PPP1R12A: variants seen among roughly 807,000 people sequenced by gnomAD.
The protein encoded by PPP1R12A is myosin binding subunit.
In PPP1R12A, 19 loss-of-function variants were observed where a neutral mutation model predicts 139.6. That is an observed-to-expected ratio of 0.14 (90% CI 0.09 to 0.20). The LOEUF is 0.20. Ranked by LOEUF, PPP1R12A falls within the 10% of genes least tolerant of loss-of-function variation. The pLI, the probability that PPP1R12A is intolerant of heterozygous loss-of-function variation, is 1.00. For synonymous variants in PPP1R12A, 427 were observed against 420.6 expected (o/e 1.02, Z -0.19); for missense variants, 925 against 1,211.5 (o/e 0.76, Z 3.51).
intron 10 of PPP1R12A, among the ~76,000 whole-genome samples, chr12:79,809,205 T>G (rs1592647335): frequency 6.6e-6 from 1 of 152,214 alleles, no homozygotes; most frequent in East Asian, 1.9e-4. Context: ...AAGGAAACAT[T>G]TCTAAGTATA....
rs547069519 is a variant in PPP1R12A at position 79,812,671 on chromosome 12, A to G, written c.1240-2661T>C. Reference sequence around the variant, plus strand: ...CTAATTTTACCTGTCTATTCTAGGTAAAATTCTACCACACTATTCTAGAGT... The same window carrying G: ...CTAATTTTACCTGTCTATTCTAGGTGAAATTCTACCACACTATTCTAGAGT... On this transcript the variant is annotated intron_variant, in intron 9 of 24. Coordinates refer to ENST00000450142, the MANE Select transcript of PPP1R12A (RefSeq NM_002480.3). Among the ~76,000 whole-genome samples the G allele has an allele frequency of 4.6e-5, 7 of 150,670 alleles. No homozygotes were observed. The South Asian group carries it at 1.5e-3, about 31-fold the overall frequency.
Position 79,774,376 on chromosome 12 carries a change from G to A in PPP1R12A, c.*1553C>T, listed in dbSNP as rs1869523784. On this transcript the variant is annotated 3_prime_UTR_variant, in exon 25 of 25. Transcript: ENST00000450142. ...CCAAAGTAATCTAAAATAGGCAGTA[G>A]AACACAATGACCTTTTAAAATGAAG... is the stretch of plus-strand genomic sequence containing the variant. 6.6e-6 allele frequency: 1 copy of A among 152,430 alleles called. No individual in the cohort carries two copies. Among genetic ancestry groups the A allele is most frequent in the African/African-American group, 2.4e-5 (1 of 41,392 alleles). The allele number at this position is 152,430 out of a possible 1,614,324, so 9.4% of individuals were successfully genotyped here. A position where few individuals can be genotyped will look rare whatever the true frequency, so the allele number is the denominator to read the frequency against.
chr12:79,924,516 C>A (rs1271728066), intron 1 of PPP1R12A, among the ~76,000 whole-genome samples: 1 of 152,162 alleles, frequency 6.6e-6, no homozygotes, highest in Non-Finnish European at 1.5e-5. Flanking sequence ...GCAACCCCAA[C>A]CTCCTGGGCT....
Position 79,777,740 on chromosome 12 carries a change from T to A in PPP1R12A, c.3006+810A>T, listed in dbSNP as rs189769860. On this transcript the variant is annotated intron_variant, in intron 24 of 24. Transcript: ENST00000450142. ...AAGAATGTAATCACAGGTAATTTTT[T>A]AAAAATATTACGTCTTAAAGGAACA... The A allele has an allele frequency of 2.5e-3, 1,777 of 720,742 alleles. 28 individuals carry two copies. The African/African-American group carries it at 0.031, about 13-fold the overall frequency. The allele number at this position is 720,742 out of a possible 1,614,324, so 44.6% of individuals were successfully genotyped here. A position where few individuals can be genotyped will look rare whatever the true frequency, so the allele number is the denominator to read the frequency against.
chr12:79,883,539 G>A lies in PPP1R12A; in HGVS notation c.238-10601C>T, dbSNP rs1207802155. Among the ~76,000 whole-genome samples the A allele has an allele frequency of 2.0e-5, 3 of 152,070 alleles. No individual in the cohort carries two copies. In the East Asian group the frequency reaches 5.8e-4, roughly 29 times the overall value. On this transcript the variant is annotated intron_variant, in intron 1 of 24. Transcript: ENST00000450142. ...GACATTCATGAAGATAAACACCACA[G>A]ATTCAAGCAGCAGACTGGGAAAAGA... is the stretch of plus-strand genomic sequence containing the variant.
intron 5 of PPP1R12A, among the ~76,000 whole-genome samples, chr12:79,824,513 T>G (rs952278509): frequency 7.9e-5 from 12 of 152,188 alleles, no homozygotes; most frequent in African/African-American, 2.9e-4. Flanking sequence ...ACTTTCTCCC[T>G]TGATAAATGA....
chr12:79,888,187 CG>C (rs1470808471), intron 1 of PPP1R12A, among the ~76,000 whole-genome samples: 1 of 152,040 alleles, frequency 6.6e-6, no homozygotes, highest in East Asian at 1.9e-4. Context: ...GCACAAGACA[CG>C]TAACTAAACA....
At chr12:79,849,606 AAAACAAAC>A (rs561702775) in intron 2 of PPP1R12A, among the ~76,000 whole-genome samples, 3 of 152,302 alleles carry the variant, frequency 2.0e-5, no homozygotes, top group South Asian at 2.1e-4. Flanking sequence ...CCTTGGAAAG[AAAACAAAC>A]AAACAAACAA....
intron 22 of PPP1R12A, 50 bp downstream of exon 22, chr12:79,786,324 A>G: frequency 8.5e-7 from 1 of 1,170,940 alleles, no homozygotes. Flanking sequence ...TTTAGATGGG[A>G]TAAATCACAA....
intron 2 of PPP1R12A, 29 bp downstream of exon 2, chr12:79,872,779 A>C: frequency 6.2e-7 from 1 of 1,609,268 alleles, no homozygotes; most frequent in Non-Finnish European, 8.5e-7. Flanking sequence ...ACAGTATTAG[A>C]ATAAAATGAA....
At chr12:79,857,446 G>A (rs1360425891) in intron 2 of PPP1R12A, among the ~76,000 whole-genome samples, 1 of 150,894 alleles carries the variant, frequency 6.6e-6, no homozygotes. Flanking sequence ...GTGGGGGGAA[G>A]GGGGAGGGAT....
At chr12:79,830,316 A>G (rs1877265219) in intron 4 of PPP1R12A, among the ~76,000 whole-genome samples, 1 of 152,194 alleles carries the variant, frequency 6.6e-6, no homozygotes, top group Non-Finnish European at 1.5e-5. Context: ...TTGACATTTC[A>G]TAATATACCC....
chr12:79,887,673 T>C lies in PPP1R12A; in HGVS notation c.238-14735A>G, dbSNP rs556037951. ...CGTTTATCAGATGTGGTTCACAAAC[T>C]CAGCTAGAGGGGTTTAATCAATAAA... is the stretch of plus-strand genomic sequence containing the variant. On this transcript the variant is annotated intron_variant, in intron 1 of 24. Coordinates refer to ENST00000450142, the MANE Select transcript of PPP1R12A (RefSeq NM_002480.3). Among the ~76,000 whole-genome samples the C allele has an allele frequency of 7.2e-5, 11 of 152,190 alleles. No homozygotes were observed. In the East Asian group the frequency reaches 2.1e-3, roughly 29 times the overall value.
At chr12:79,882,568 A>T (rs1381751278) in intron 1 of PPP1R12A, among the ~76,000 whole-genome samples, 1 of 152,216 alleles carries the variant, frequency 6.6e-6, no homozygotes, top group Non-Finnish European at 1.5e-5. Flanking sequence ...CCTGGTGAAG[A>T]TGCTGTGAAC....
chr12:79,821,315 A>G (rs897155697), intron 6 of PPP1R12A, 149 bp from the exon 7 acceptor site: 6 of 591,258 alleles, frequency 1.0e-5, no homozygotes, highest in South Asian at 2.5e-5. Context: ...CCTGAAAAGG[A>G]AAGAGCTTGA....
At chr12:79,821,639 G>A (rs1052795230) in intron 6 of PPP1R12A, among the ~76,000 whole-genome samples, 2 of 151,878 alleles carry the variant, frequency 1.3e-5, no homozygotes, top group Admixed American at 6.6e-5. Context: ...TGTAGTCCGA[G>A]CTACTCAGGA....
chr12:79,809,330 C>A (rs1874242496), intron 10 of PPP1R12A, among the ~76,000 whole-genome samples: 1 of 151,996 alleles, frequency 6.6e-6, no homozygotes, highest in Non-Finnish European at 1.5e-5. Context: ...TTAATACCAC[C>A]TCTCAAAATA....
intron 1 of PPP1R12A, among the ~76,000 whole-genome samples, chr12:79,910,256 G>T (rs1426613017): frequency 1.3e-5 from 2 of 151,992 alleles, no homozygotes; most frequent in Non-Finnish European, 2.9e-5. Flanking sequence ...GAGGTGGGAG[G>T]ATCACCTGAG....
chr12:79,916,783 CTTT>C (rs1024112130), intron 1 of PPP1R12A, among the ~76,000 whole-genome samples: 3 of 152,130 alleles, frequency 2.0e-5, no homozygotes, highest in African/African-American at 4.8e-5. Flanking sequence ...ACACCAGCTT[CTTT>C]GAGTGGCCAA....
Sources: gnomAD v4.1 joint callset for allele counts (sites outside exome capture counted in the v4.1 genomes callset) on GRCh38, gnomAD v4.1.1 for gene constraint, MANE v1.5 for transcripts, NCBI Gene and HGNC (gene_info 2026-07-23, HGNC 2026-07-21) for gene names.